Variants in HMOX2 observed in about 807,000 individuals in gnomAD.
HMOX2 encodes the protein heme oxygenase (decycling) 2.
A neutral mutation model predicts 33.7 loss-of-function variants in HMOX2; 30 were observed. That is an observed-to-expected ratio of 0.89 (90% CI 0.67 to 1.21). HMOX2 has a LOEUF of 1.21. Among genes scored for constraint, HMOX2 ranks in the 50% most tolerant of loss-of-function variants. The probability of loss-of-function intolerance (pLI) is 0.00; values close to 1 mark genes in which losing one functional copy is unlikely to be tolerated. For synonymous variants in HMOX2, 155 were observed against 155.0 expected, an observed-to-expected ratio of 1.00 and a Z score of 0.00; for missense variants, 403 against 399.1, an observed-to-expected ratio of 1.01 and a Z score of -0.08.
intron 1 of HMOX2, among the ~76,000 whole-genome samples, chr16:4,483,973 ATTTTTTT>A (rs34376283): frequency 8.0e-6 from 1 of 124,674 alleles, no homozygotes; most frequent in Non-Finnish European, 1.6e-5. Flanking sequence ...ATGCCCAAAA[ATTTTTTT>A]TTTTTTTTTT....
chr16:4,490,501 T>C (rs1294005827), intron 1 of HMOX2, among the ~76,000 whole-genome samples: 1 of 152,220 alleles, frequency 6.6e-6, no homozygotes, highest in South Asian at 2.1e-4. Flanking sequence ...CTCCCAGTTA[T>C]ATGTTCCATC....
chr16:4,478,847 A>G (rs1175018020), intron 1 of HMOX2, among the ~76,000 whole-genome samples: 2 of 152,056 alleles, frequency 1.3e-5, no homozygotes, highest in East Asian at 3.9e-4. Context: ...CTCCTTGGAA[A>G]GGAAAGAGAT....
At chr16:4,485,332 G>A (rs1271752577) in intron 1 of HMOX2, among the ~76,000 whole-genome samples, 1 of 152,146 alleles carries the variant, frequency 6.6e-6, no homozygotes, top group East Asian at 1.9e-4. Flanking sequence ...GATATGGAGG[G>A]CTGACTGTAC....
upstream of HMOX2, among the ~76,000 whole-genome samples, chr16:4,475,401 G>T (rs1198737174): frequency 1.3e-5 from 2 of 151,644 alleles, no homozygotes; most frequent in African/African-American, 4.8e-5. Context: ...TCCGCCTCTT[G>T]GGTTCAAGTG....
chr16:4,486,264 A>C (rs1202772719), intron 1 of HMOX2, among the ~76,000 whole-genome samples: 3 of 152,252 alleles, frequency 2.0e-5, no homozygotes, highest in African/African-American at 7.2e-5. Context: ...GTAAACAAAC[A>C]GCCTTTTACC....
At chr16:4,508,447 CAT>C (rs1044106909) in intron 4 of HMOX2, among the ~76,000 whole-genome samples, 4 of 152,120 alleles carry the variant, frequency 2.6e-5, no homozygotes, top group African/African-American at 9.7e-5. Context: ...TCCTCTCGCA[CAT>C]AGAGGGGTCT....
At chr16:4,504,276 G>C (rs2141598515) in intron 1 of HMOX2, among the ~76,000 whole-genome samples, 1 of 152,260 alleles carries the variant, frequency 6.6e-6, no homozygotes, top group African/African-American at 2.4e-5. Flanking sequence ...CTTGCAGAGG[G>C]GTGGAACTGT....
At chr16:4,505,011 A>G (rs1005603736) in intron 1 of HMOX2, among the ~76,000 whole-genome samples, 1 of 152,106 alleles carries the variant, frequency 6.6e-6, no homozygotes, top group Admixed American at 6.6e-5. Context: ...AATGGTAAGA[A>G]TAGTACAAAG....
chr16:4,478,883 G>A (rs919543038), intron 1 of HMOX2, among the ~76,000 whole-genome samples: 2 of 150,762 alleles, frequency 1.3e-5, no homozygotes, highest in African/African-American at 4.9e-5. Flanking sequence ...GACTGGGTGC[G>A]GTGGCTCACG....
chr16:4,487,401 C>T (rs75448560), intron 1 of HMOX2, among the ~76,000 whole-genome samples: 5,181 of 151,906 alleles, frequency 0.034, 307 homozygotes, highest in African/African-American at 0.12. Flanking sequence ...CGTAGCCCAG[C>T]GGCTCATACC....
intron 1 of HMOX2, among the ~76,000 whole-genome samples, chr16:4,484,119 C>T (rs963672883): frequency 2.0e-5 from 3 of 150,958 alleles, no homozygotes; most frequent in Non-Finnish European, 4.4e-5. Context: ...GGACTACAGG[C>T]TCCCGCCACC....
At chr16:4,488,586 G>A (rs1174999657) in intron 1 of HMOX2, 1 of 152,184 alleles carries the variant, frequency 6.6e-6, no homozygotes, top group Admixed American at 6.6e-5. Context: ...GATACAGGAT[G>A]TGGGTTTGTT....
At chr16:4,507,037 G>T in intron 3 of HMOX2, 25 bp downstream of exon 3, 1 of 1,472,662 alleles carries the variant, frequency 6.8e-7, no homozygotes, top group Non-Finnish European at 9.5e-7. Flanking sequence ...TTGGGTTCCA[G>T]ACTGTCATAT....
upstream of HMOX2, chr16:4,476,231 A>G (rs2057826083): frequency 6.6e-6 from 1 of 152,278 alleles, no homozygotes; most frequent in Non-Finnish European, 1.5e-5. Flanking sequence ...AAGCACGCCT[A>G]CTTACCCCGC....
intron 1 of HMOX2, among the ~76,000 whole-genome samples, chr16:4,503,498 G>T (rs764573133): frequency 5.9e-5 from 9 of 152,176 alleles, no homozygotes; most frequent in Admixed American, 2.0e-4. Flanking sequence ...TCAAGAGAAG[G>T]TTCCATTTTT....
Position 4,486,016 on chromosome 16 carries a change from G to T in HMOX2, c.-42+9529G>T, listed in dbSNP as rs144791693. Among the ~76,000 whole-genome samples the T allele has an allele frequency of 9.4e-3, 1,425 of 152,256 alleles. 23 individuals are homozygous for T. The highest frequency in any genetic ancestry group is 0.033 in the African/African-American group (1,367 of 41,542). On this transcript the variant is annotated intron_variant, in intron 1 of 5. Coordinates refer to ENST00000570646, the MANE Select transcript of HMOX2 (RefSeq NM_002134.4). ...TGGGATTACAGGCTTGAGCCACCATGCCTGGCCACAGGCAACATTTTTAAA... is the reference window on the plus strand; with the variant it reads ...TGGGATTACAGGCTTGAGCCACCATTCCTGGCCACAGGCAACATTTTTAAA...
Position 4,509,551 on chromosome 16 carries a change from G to C in HMOX2, c.823+13G>C. On this transcript the variant is annotated intron_variant, in intron 5 of 5. Coordinates refer to ENST00000570646, the MANE Select transcript of HMOX2 (RefSeq NM_002134.4). Reference sequence around the variant, plus strand: ...GAACAAGACAAAGGTAGGTCTGTGTGTCCTGAGCTCCCCTCCTGGGGCAGG... The same window carrying C: ...GAACAAGACAAAGGTAGGTCTGTGTCTCCTGAGCTCCCCTCCTGGGGCAGG... The C allele has an allele frequency of 1.2e-6, 2 of 1,614,162 alleles. No individual in the cohort carries two copies. The highest frequency in any genetic ancestry group is 1.7e-6 in the Non-Finnish European group (2 of 1,180,024).
intron 1 of HMOX2, among the ~76,000 whole-genome samples, chr16:4,484,504 A>G (rs2058116565): frequency 7.6e-6 from 1 of 131,576 alleles, no homozygotes; most frequent in Admixed American, 8.8e-5. Flanking sequence ...ACTGTCACCC[A>G]GGCTGGAGTG....
chr16:4,487,774 C>G (rs140287289), intron 1 of HMOX2, among the ~76,000 whole-genome samples: 5,337 of 139,482 alleles, frequency 0.038, 334 homozygotes, highest in African/African-American at 0.14. Context: ...GGAGACAGAG[C>G]GAGACTCCGT....
Sources: allele counts gnomAD v4.1 joint callset (sites outside exome capture counted in the v4.1 genomes callset), GRCh38; gene constraint gnomAD v4.1.1; transcripts MANE v1.5; gene names NCBI Gene and HGNC (gene_info 2026-07-23, HGNC 2026-07-21).